Variants in PI4K2B observed in about 807,000 individuals in gnomAD.
PI4K2B encodes phosphatidylinositol 4-kinase type 2-beta.
A neutral mutation model predicts 56.6 loss-of-function variants in PI4K2B; 46 were observed. The ratio of observed to expected loss-of-function variants is 0.81; its 90% CI spans 0.64 to 1.04. PI4K2B has a LOEUF of 1.04. PI4K2B is among the 50% of genes least tolerant of loss of function. The probability of loss-of-function intolerance (pLI) is 0.00; values close to 1 mark genes in which losing one functional copy is unlikely to be tolerated. For missense variants in PI4K2B, 556 were observed against 607.7 expected, an observed-to-expected ratio of 0.91 and a Z score of 0.89; for synonymous variants, 211 against 223.8, an observed-to-expected ratio of 0.94 and a Z score of 0.51.
chr4:25,270,240 A>G (rs1716831205), intron 9 of PI4K2B, among the ~76,000 whole-genome samples: 1 of 152,180 alleles, frequency 6.6e-6, no homozygotes, highest in Admixed American at 6.5e-5. Flanking sequence ...GTCACTAAAT[A>G]ACCATGTCAC....
chr4:25,278,152 C>G lies in PI4K2B; in HGVS notation c.*965C>G, dbSNP rs1408004884. 1.3e-5 allele frequency: 2 copies of G among 152,068 alleles called. No individual in the cohort carries two copies. Among genetic ancestry groups the G allele is most frequent in the Non-Finnish European group, 2.9e-5 (2 of 68,002 alleles). The allele number at this position is 152,068 out of a possible 1,614,324, so 9.4% of individuals were successfully genotyped here. ...TTACAGATGTTATTATAATTACAGT[C>G]AAATGTAGACTATCAGGCCAAATTA... On this transcript the variant is annotated 3_prime_UTR_variant, in exon 10 of 10. Transcript: ENST00000264864.
chr4:25,276,221 A>G (rs1386058671), intron 9 of PI4K2B: 2 of 159,358 alleles, frequency 1.3e-5, no homozygotes, highest in African/African-American at 2.4e-5. Context: ...TTTGACCTGA[A>G]CAGAGACCAG....
chr4:25,241,551 C>A (rs921999870), intron 1 of PI4K2B, among the ~76,000 whole-genome samples: 1 of 152,134 alleles, frequency 6.6e-6, no homozygotes, highest in Non-Finnish European at 1.5e-5. Context: ...GGAGTAGCAC[C>A]TGGTATCTAA....
chr4:25,240,410 T>C (rs1577675762), intron 1 of PI4K2B, among the ~76,000 whole-genome samples: 3 of 152,264 alleles, frequency 2.0e-5, no homozygotes, highest in African/African-American at 7.2e-5. Flanking sequence ...TTTGAGAGTG[T>C]GTGGTAGTAG....
intron 1 of PI4K2B, among the ~76,000 whole-genome samples, chr4:25,249,525 C>A (rs1715952316): frequency 9.2e-6 from 1 of 108,498 alleles, no homozygotes; most frequent in East Asian, 2.9e-4. Flanking sequence ...GGCGGAGGGG[C>A]TCCTCACTTC....
chr4:25,242,476 T>C (rs971782655), intron 1 of PI4K2B, among the ~76,000 whole-genome samples: 38 of 152,220 alleles, frequency 2.5e-4, no homozygotes, highest in Non-Finnish European at 4.0e-4. Flanking sequence ...GAAGGCATAC[T>C]TGAGGTCCAG....
chr4:25,277,502 A>G lies in PI4K2B; in HGVS notation c.*315A>G, dbSNP rs977445706. On this transcript the variant is annotated 3_prime_UTR_variant, in exon 10 of 10. Coordinates refer to ENST00000264864, the MANE Select transcript of PI4K2B (RefSeq NM_018323.4). ...ACTCTAGAATTCCAAGTAGAATACAATAACTTTTAATATTGAGAAGAATGT... is the reference window on the plus strand; with the variant it reads ...ACTCTAGAATTCCAAGTAGAATACAGTAACTTTTAATATTGAGAAGAATGT... 1.7e-5 allele frequency: 3 copies of G among 179,214 alleles called. No homozygotes were observed. The highest frequency in any genetic ancestry group is 1.4e-4 in the East Asian group (1 of 7,248). 11.1% of individuals were successfully genotyped at this position (179,214 alleles called of 1,614,324 possible).
chr4:25,276,818 CGCGTGT>C, intron 9 of PI4K2B, 190 bp from the exon 10 acceptor site: 1 of 768,050 alleles, frequency 1.3e-6, no homozygotes, highest in Non-Finnish European at 1.6e-6. Context: ...TGTGTGTGTG[CGCGTGT>C]GTGTGTGCGC....
At chr4:25,269,539 T>G (rs1716791859) in intron 9 of PI4K2B, among the ~76,000 whole-genome samples, 1 of 150,604 alleles carries the variant, frequency 6.6e-6, no homozygotes, top group Non-Finnish European at 1.5e-5. Flanking sequence ...CTTGGGAGGC[T>G]GCAGCAGGAG....
intron 4 of PI4K2B, among the ~76,000 whole-genome samples, chr4:25,257,839 A>G (rs1220088553): frequency 6.6e-6 from 1 of 152,240 alleles, no homozygotes; most frequent in Non-Finnish European, 1.5e-5. Context: ...TTATTTCCAT[A>G]TTTATGACTA....
rs533544057 is a variant in PI4K2B at position 25,260,610 on chromosome 4, TTATATATATATATATA to T, written c.978+36_978+51del. The T allele has an allele frequency of 7.9e-3, 2,423 of 306,796 alleles. 63 individuals carry two copies. The highest frequency in any genetic ancestry group is 0.048 in the African/African-American group (1,945 of 40,246). The allele number at this position is 306,796 out of a possible 1,614,324, so 19.0% of individuals were successfully genotyped here. On this transcript the variant is annotated intron_variant, in intron 6 of 9. Coordinates refer to ENST00000264864, the MANE Select transcript of PI4K2B (RefSeq NM_018323.4). ...CCATAAGGTAAGGAAATTTACAATT[TTATATATATATATATA>T]TATATATATATATATACACACACAC... is the stretch of plus-strand genomic sequence containing the variant.
At chr4:25,261,080 C>T (rs1716458905) in intron 6 of PI4K2B, among the ~76,000 whole-genome samples, 1 of 151,866 alleles carries the variant, frequency 6.6e-6, no homozygotes, top group Non-Finnish European at 1.5e-5. Flanking sequence ...AAGAATAATA[C>T]CTGCCTAGTA....
At chr4:25,235,310 T>C (rs1237941372) in intron 1 of PI4K2B, among the ~76,000 whole-genome samples, 1 of 152,210 alleles carries the variant, frequency 6.6e-6, no homozygotes, top group Non-Finnish European at 1.5e-5. Context: ...CCCGGTTGGT[T>C]TATCGCTTCA....
intron 8 of PI4K2B, 41 bp downstream of exon 8, chr4:25,268,617 C>G (rs761099995): frequency 1.4e-6 from 2 of 1,398,670 alleles, no homozygotes; most frequent in Non-Finnish European, 9.8e-7. Context: ...AAAATGAAAT[C>G]TTAAAATAGA....
At position 25,238,928 on chromosome 4, in the gene PI4K2B, A is replaced by G. The variant is rs191451927; in HGVS notation, c.268+4497A>G. Among the ~76,000 whole-genome samples the G allele has an allele frequency of 7.8e-3, 1,184 of 151,608 alleles. 7 individuals carry two copies. Among genetic ancestry groups the G allele is most frequent in the Non-Finnish European group, 0.011 (764 of 67,954 alleles). On this transcript the variant is annotated intron_variant, in intron 1 of 9. Coordinates refer to ENST00000264864, the MANE Select transcript of PI4K2B (RefSeq NM_018323.4). ...TGCTGATTGGTCCATTTTACAGAGCACTGATTGGTCTGTTTTACAGAGAGC... is the reference window on the plus strand; with the variant it reads ...TGCTGATTGGTCCATTTTACAGAGCGCTGATTGGTCTGTTTTACAGAGAGC...
At chr4:25,276,259 C>A (rs1387157167) in intron 9 of PI4K2B, 3 of 209,442 alleles carry the variant, frequency 1.4e-5, no homozygotes, top group African/African-American at 2.4e-5. Flanking sequence ...GTTTCATAAC[C>A]TTATTTGCAT....
In PI4K2B at chr4:25,255,158, T is replaced by C. The variant is rs1716213124; in HGVS notation, c.517T>C (p.Cys173Arg). ...TKYVHKVCCP[C>R]CFGRGCLIPN... ...ATATGTCCATAAGGTCTGCTGCCCT[T>C]GCTGCTTTGGCCGAGGCTGCCTGAT... The change falls in exon 3 of 10, where the codon TGC becomes CGC. Residue 173 changes from cysteine (C) to arginine (R), a missense_variant. Transcript: ENST00000264864. 6.2e-7 allele frequency: 1 copy of C among 1,614,162 alleles called. No homozygotes were observed. The highest frequency in any genetic ancestry group is 1.1e-5 in the South Asian group (1 of 91,088).
intron 1 of PI4K2B, among the ~76,000 whole-genome samples, chr4:25,243,202 G>A (rs202112789): frequency 1.7e-4 from 26 of 152,156 alleles, no homozygotes; most frequent in Admixed American, 4.6e-4. Flanking sequence ...ATGAGCTGGC[G>A]CTTGCCCCGG....
intron 2 of PI4K2B, among the ~76,000 whole-genome samples, chr4:25,254,810 C>T (rs1045229580): frequency 6.6e-6 from 1 of 152,166 alleles, no homozygotes; most frequent in Non-Finnish European, 1.5e-5. Context: ...GCCTTGCCCC[C>T]ACCTTCCCAG....
Sources: allele counts gnomAD v4.1 joint callset (sites outside exome capture counted in the v4.1 genomes callset), GRCh38; gene constraint gnomAD v4.1.1; transcripts MANE v1.5; gene names NCBI Gene and HGNC (gene_info 2026-07-23, HGNC 2026-07-21).